ZBTB48: variants seen among roughly 807,000 people sequenced by gnomAD.
ZBTB48 encodes zinc finger and BTB domain containing 48.
In ZBTB48, 35 loss-of-function variants were observed where a neutral mutation model predicts 64.5. That is an observed-to-expected ratio of 0.54 (90% CI 0.41 to 0.72). The LOEUF is 0.72. Among genes scored for constraint, ZBTB48 ranks in the 30% least tolerant of loss-of-function variants. The pLI is 0.00. For synonymous variants in ZBTB48, 442 were observed against 356.7 expected (o/e 1.24, Z -2.70); for missense variants, 828 against 895.3 (o/e 0.92, Z 0.96).
intron 2 of ZBTB48, among the ~76,000 whole-genome samples, chr1:6,581,719 G>A (rs1640474958): frequency 6.6e-6 from 1 of 152,040 alleles, no homozygotes; most frequent in South Asian, 2.1e-4. Flanking sequence ...TGTGGGTTTG[G>A]AACAGGCTTT....
At position 6,584,094 on chromosome 1, in the gene ZBTB48, T is replaced by G. The variant is rs745864681; in HGVS notation, c.932+1795T>G. On this transcript the variant is annotated intron_variant, in intron 3 of 10. Coordinates refer to ENST00000377674, the MANE Select transcript of ZBTB48 (RefSeq NM_005341.4). The surrounding 1 kb of genome is among the most constrained non-coding windows in gnomAD (Gnocchi z 4.5). The stretch of plus-strand genomic sequence containing the variant: ...ACCGTGCCCAGCCATTTTTTTACTT[T>G]TTAGTAGTGATGGGTTTCACCATAT... 4.6e-5 allele frequency among the ~76,000 whole-genome samples: 7 copies of G among 152,020 alleles called. No homozygotes were observed. The highest frequency in any genetic ancestry group is 1.0e-4 in the Non-Finnish European group (7 of 67,990).
chr1:6,582,407 T>A, intron 3 of ZBTB48, 108 bp downstream of exon 3: 1 of 1,416,508 alleles, frequency 7.1e-7, no homozygotes, highest in Non-Finnish European at 9.7e-7. Flanking sequence ...GGGATCCATC[T>A]CAGACCCACA....
At position 6,587,968 on chromosome 1, in the gene ZBTB48, C is replaced by A; in HGVS notation, c.1380-92C>A. On this transcript the variant is annotated intron_variant, in intron 7 of 10. Transcript: ENST00000377674. Reference sequence around the variant, plus strand: ...GCCCCTTTCCTAGCACTGCCCAAGCCCTCTTTCCACCAGGCATGCTCCTAG... The same window carrying A: ...GCCCCTTTCCTAGCACTGCCCAAGCACTCTTTCCACCAGGCATGCTCCTAG... 1.9e-6 allele frequency: 3 copies of A among 1,541,670 alleles called. No homozygotes were observed. The Admixed American group carries it at 5.6e-5, about 29-fold the overall frequency.
intron 7 of ZBTB48, 127 bp from the exon 8 acceptor site, chr1:6,587,933 T>C (rs1176608615): frequency 2.3e-6 from 3 of 1,319,304 alleles, no homozygotes; most frequent in Non-Finnish European, 3.1e-6. Flanking sequence ...GCTCTCGGGG[T>C]GGAGGTGGTG....
chr1:6,582,120 TGTGCTGACCAGGAGGAA>T lies in ZBTB48; in HGVS notation c.756_772del (p.Leu253LysfsTer10), dbSNP rs1316619513. Reference sequence around the variant, plus strand: ...GCGATTACATGTCTGAGCCTGAGGCTGTGCTGACCAGGAGGAAGTCAAATGTAATCCGAAAGCCCTGT... The same window carrying T: ...GCGATTACATGTCTGAGCCTGAGGCTGTCAAATGTAATCCGAAAGCCCTGT... On this transcript the variant is annotated frameshift_variant, in exon 3 of 11. Coordinates refer to ENST00000377674, the MANE Select transcript of ZBTB48 (RefSeq NM_005341.4). LOFTEE classifies it high-confidence loss of function. 6.2e-7 allele frequency: 1 copy of T among 1,614,212 alleles called. No homozygotes were observed. Among genetic ancestry groups the T allele is most frequent in the Non-Finnish European group, 8.5e-7 (1 of 1,180,042 alleles).
Position 6,586,511 on chromosome 1 carries a change from G to A in ZBTB48, c.1045-184G>A, listed in dbSNP as rs372538704. ...TGGGCCTGAGAAGGGCCTGGTGTGC[G>A]GTGGGCTTGCAGCACTCAGTGATGG... is the stretch of plus-strand genomic sequence containing the variant. On this transcript the variant is annotated intron_variant, in intron 4 of 10. Coordinates refer to ENST00000377674, the MANE Select transcript of ZBTB48 (RefSeq NM_005341.4). 5.5e-6 allele frequency: 7 copies of A among 1,278,004 alleles called. No homozygotes were observed. In the Admixed American group the frequency reaches 1.3e-4, roughly 23 times the overall value. The allele number at this position is 1,278,004 out of a possible 1,614,324, so 79.2% of individuals were successfully genotyped here.
Position 6,588,974 on chromosome 1 carries a change from A to G in ZBTB48, c.1829A>G (p.Gln610Arg), listed in dbSNP as rs775692300. Residue 610 changes from glutamine to arginine, a missense_variant, in exon 11 of 11, where the codon CAG becomes CGG. By Grantham distance (43) the Gln-to-Arg change is conservative (BLOSUM62 1). Transcript: ENST00000377674. ...HDRVENYNPR[Q>R]RKLRNLIIED... ...CGGGTAGAGAACTACAACCCGCGGC[A>G]GCGCAAGCTCCGCAACCTGATCATC... 2 of 1,602,204 alleles carry G rather than the reference A, an allele frequency of 1.2e-6. No homozygotes were observed. Among genetic ancestry groups the G allele is most frequent in the South Asian group, 1.1e-5 (1 of 90,126 alleles).
chr1:6,581,663 C>CA (rs60573708), intron 2 of ZBTB48, among the ~76,000 whole-genome samples: 3,169 of 124,896 alleles, frequency 0.025, 49 homozygotes, highest in African/African-American at 0.047. Flanking sequence ...GATCCTGTCT[C>CA]AAAAAAAAAA....
chr1:6,581,768 CA>C (rs1640477321), intron 2 of ZBTB48, among the ~76,000 whole-genome samples: 1 of 152,188 alleles, frequency 6.6e-6, no homozygotes, highest in African/African-American at 2.4e-5. Context: ...GACCTTTCTG[CA>C]AGCCCCAGCT....
intron 3 of ZBTB48, among the ~76,000 whole-genome samples, chr1:6,585,084 T>C (rs1220525646): frequency 6.6e-6 from 1 of 151,960 alleles, no homozygotes; most frequent in African/African-American, 2.4e-5. Context: ...GCCAAGGGGT[T>C]GGGGAGTTGT....
chr1:6,586,955 C>T, intron 5 of ZBTB48, 168 bp downstream of exon 5: 1 of 893,222 alleles, frequency 1.1e-6, no homozygotes, highest in Non-Finnish European at 1.8e-6. Flanking sequence ...GGCAGGGCTA[C>T]TGTCTGCAGC....
intron 7 of ZBTB48, among the ~76,000 whole-genome samples, 178 bp downstream of exon 7, chr1:6,587,810 C>T (rs1287164420): frequency 6.6e-6 from 1 of 152,216 alleles, no homozygotes; most frequent in Non-Finnish European, 1.5e-5. Flanking sequence ...GCAGCTATGC[C>T]AGGCAGAGAG....
Position 6,589,059 on chromosome 1 carries a change from G to A in ZBTB48, c.1914G>A (p.Ser638=), listed in dbSNP as rs761082634. 2.2e-5 allele frequency: 36 copies of A among 1,603,986 alleles called. No individual in the cohort carries two copies. The highest frequency in any genetic ancestry group is 8.7e-5 in the Admixed American group (5 of 57,606). Reference sequence around the variant, plus strand: ...CGCCTGCAGAGCTGGAGGTGGGCTCGGCGGAGGTCATTGTGGAGTCCCTGG... The same window carrying A: ...CGCCTGCAGAGCTGGAGGTGGGCTCAGCGGAGGTCATTGTGGAGTCCCTGG... ...LQPPAELEVG[S]AEVIVESLAQ... The change falls in exon 11 of 11, where the codon TCG becomes TCA. Residue 638 remains serine (S), a synonymous_variant. Coordinates refer to ENST00000377674, the MANE Select transcript of ZBTB48 (RefSeq NM_005341.4).
rs747700852 is a variant in ZBTB48 at position 6,587,501 on chromosome 1, C to T, written c.1248C>T (p.Phe416=). The T allele has an allele frequency of 3.1e-6, 5 of 1,614,028 alleles. No individual in the cohort carries two copies. Among genetic ancestry groups the T allele is most frequent in the South Asian group, 1.1e-5 (1 of 91,082 alleles). Residue 416 remains phenylalanine (F), a synonymous_variant, in exon 7 of 11, where the codon TTC becomes TTT. Coordinates refer to ENST00000377674, the MANE Select transcript of ZBTB48 (RefSeq NM_005341.4). The part of the protein sequence containing the change: ...PHACPTCAKC[F]LSRTELQLHE... Reference sequence around the variant, plus strand: ...AGTGCCCCACCTGTGCCAAGTGCTTCCTGTCTCGGACAGAGCTGCAGCTGC... The same window carrying T: ...AGTGCCCCACCTGTGCCAAGTGCTTTCTGTCTCGGACAGAGCTGCAGCTGC...
intron 4 of ZBTB48, 94 bp downstream of exon 4, chr1:6,586,124 A>G (rs541785919): frequency 2.4e-6 from 3 of 1,267,766 alleles, no homozygotes; most frequent in Non-Finnish European, 2.3e-6. Context: ...ACTGTCTGAG[A>G]GGGGTACTGT....
chr1:6,581,741 G>A (rs578138989), intron 2 of ZBTB48, among the ~76,000 whole-genome samples: 1 of 152,102 alleles, frequency 6.6e-6, no homozygotes, highest in African/African-American at 2.4e-5. Flanking sequence ...TCCAAAGGAA[G>A]CTGGTGACCT....
rs774664031 is a variant in ZBTB48, at chr1:6,588,424, T to C, written c.1663T>C (p.Cys555Arg). The change falls in exon 9 of 11, where the codon TGC becomes CGC. Residue 555 changes from cysteine to arginine, a missense_variant. Cys to Arg is a radical substitution (Grantham distance 180). Coordinates refer to ENST00000377674, the MANE Select transcript of ZBTB48 (RefSeq NM_005341.4). ...QEGRPHFCQI[C>R]GKTFKAVEQL... ...GGGCCGGCCCCACTTCTGCCAGATA[T>C]GCGGCAAGACCTTCAAAGGTACCTG... is the stretch of plus-strand genomic sequence containing the variant. 3.9e-6 allele frequency: 6 copies of C among 1,554,892 alleles called. No homozygotes were observed. Among genetic ancestry groups the C allele is most frequent in the Non-Finnish European group, 5.2e-6 (6 of 1,148,926 alleles).
chr1:6,583,369 C>T (rs113478240), intron 3 of ZBTB48, among the ~76,000 whole-genome samples: 3,091 of 151,458 alleles, frequency 0.02, 47 homozygotes, highest in Middle Eastern at 0.041. Context: ...GGCATGAGAT[C>T]GGCTCACTGC....
Position 6,584,991 on chromosome 1 carries a change from C to T in ZBTB48, c.933-928C>T, listed in dbSNP as rs1292795255. Reference sequence around the variant, plus strand: ...GTGCTTGTGCAGCCGACCTGCTTGCCAGGCAATGCAGATAACAGATAAGTC... The same window carrying T: ...GTGCTTGTGCAGCCGACCTGCTTGCTAGGCAATGCAGATAACAGATAAGTC... On this transcript the variant is annotated intron_variant, in intron 3 of 10. Coordinates refer to ENST00000377674, the MANE Select transcript of ZBTB48 (RefSeq NM_005341.4). The surrounding 1 kb of genome is among the most constrained non-coding windows in gnomAD (Gnocchi z 4.5). Among the ~76,000 whole-genome samples, 1 of 152,094 alleles carries T rather than the reference C, an allele frequency of 6.6e-6. No individual in the cohort carries two copies. The highest frequency in any genetic ancestry group is 1.5e-5 in the Non-Finnish European group (1 of 68,034).
Sources: gnomAD v4.1 joint callset for allele counts (sites outside exome capture counted in the v4.1 genomes callset) on GRCh38, gnomAD v4.1.1 for gene constraint, Gnocchi (gnomAD v3.1) non-coding constraint, MANE v1.5 for transcripts, NCBI Gene and HGNC (gene_info 2026-07-23, HGNC 2026-07-21) for gene names.